Variants in USP34 observed in about 807,000 individuals in gnomAD.
USP34 encodes ubiquitin specific peptidase 34.
USP34 carries 70 observed loss-of-function variants against 460.3 expected under a neutral mutation model. That is an observed-to-expected ratio of 0.15 (90% confidence interval 0.13 to 0.19). USP34 has a LOEUF of 0.19. Ranked by LOEUF, USP34 falls within the 10% of genes least tolerant of loss-of-function variation. The pLI is 1.00. For missense variants in USP34, 3,985 were observed against 4,236.2 expected, an observed-to-expected ratio of 0.94 and a Z score of 1.65; for synonymous variants, 1,647 against 1,405.3, an observed-to-expected ratio of 1.17 and a Z score of -3.85.
intron 47 of USP34, 65 bp from the exon 48 acceptor site, chr2:61,256,543 TG>T: frequency 7.8e-7 from 1 of 1,274,032 alleles, no homozygotes; most frequent in Non-Finnish European, 1.1e-6. Context: ...ATACAAAAGG[TG>T]GCAATTACAA....
intron 21 of USP34, 49 bp downstream of exon 21, chr2:61,325,326 T>C: frequency 7.9e-7 from 1 of 1,270,770 alleles, no homozygotes; most frequent in Admixed American, 2.6e-5. Flanking sequence ...AATTTAGTTC[T>C]TCCAATAGTC....
intron 8 of USP34, among the ~76,000 whole-genome samples, chr2:61,374,135 A>C (rs1692717751): frequency 6.6e-6 from 1 of 150,858 alleles, no homozygotes; most frequent in Admixed American, 6.6e-5. Flanking sequence ...CAGCCTGGGC[A>C]ATAGAGCGAG....
intron 1 of USP34, among the ~76,000 whole-genome samples, chr2:61,430,212 C>CATA (rs1491583813): frequency 8.5e-6 from 1 of 117,718 alleles, no homozygotes; most frequent in African/African-American, 3.3e-5. Context: ...GAGTCTTCGT[C>CATA]ACAAAAAAAA....
chr2:61,296,675 A>C, intron 30 of USP34, 125 bp downstream of exon 30: 1 of 972,436 alleles, frequency 1.0e-6, no homozygotes, highest in Non-Finnish European at 1.4e-6. Context: ...CTTTTTACCT[A>C]CTATATGGGT....
chr2:61,300,168 T>C (rs1690176458), intron 29 of USP34, among the ~76,000 whole-genome samples: 1 of 152,192 alleles, frequency 6.6e-6, no homozygotes, highest in East Asian at 1.9e-4. Context: ...TCAGAACATG[T>C]GTTTATCCTC....
intron 23 of USP34, among the ~76,000 whole-genome samples, chr2:61,315,937 C>T (rs977768142): frequency 5.3e-5 from 8 of 151,814 alleles, no homozygotes; most frequent in Non-Finnish European, 1.2e-4. Context: ...GAGTGGCTCA[C>T]GCCTCTAATT....
intron 15 of USP34, among the ~76,000 whole-genome samples, chr2:61,344,477 A>G (rs1225658338): frequency 6.6e-6 from 1 of 151,344 alleles, no homozygotes; most frequent in African/African-American, 2.4e-5. Flanking sequence ...CAAATTAAGT[A>G]TTCATTTCTA....
Position 61,375,194 on chromosome 2 carries a change from T to G in USP34, c.1076+3169A>C, listed in dbSNP as rs796118039. ...AGGGAAATGCAAATTAAAACCATGATGAAATGCTACTTTACACCCCCTAAA... is the reference window on the plus strand; with the variant it reads ...AGGGAAATGCAAATTAAAACCATGAGGAAATGCTACTTTACACCCCCTAAA... On this transcript the variant is annotated intron_variant, in intron 8 of 79. Transcript: ENST00000398571. Among the ~76,000 whole-genome samples, 4 of 152,126 alleles carry G rather than the reference T, an allele frequency of 2.6e-5. No homozygotes were observed. In the South Asian group the frequency reaches 6.2e-4, roughly 24 times the overall value.
At chr2:61,441,255 G>A (rs955782360) in intron 1 of USP34, among the ~76,000 whole-genome samples, 7 of 150,738 alleles carry the variant, frequency 4.6e-5, no homozygotes, top group Non-Finnish European at 7.4e-5. Context: ...CTCCTGCCTC[G>A]GCCTCCCAAA....
At chr2:61,191,443 C>T (rs190515612) in intron 76 of USP34, 1 of 151,988 alleles carries the variant, frequency 6.6e-6, no homozygotes, top group Admixed American at 6.5e-5. Flanking sequence ...ATGCAGCTGT[C>T]ATAAGTAAAT....
intron 41 of USP34, among the ~76,000 whole-genome samples, chr2:61,270,257 G>A (rs534010155): frequency 6.6e-6 from 1 of 152,240 alleles, no homozygotes; most frequent in Non-Finnish European, 1.5e-5. Flanking sequence ...ATCATCTAAG[G>A]GCTTCATGAG....
chr2:61,238,293 A>G (rs1175992618), intron 53 of USP34, among the ~76,000 whole-genome samples: 1 of 152,126 alleles, frequency 6.6e-6, no homozygotes, highest in Non-Finnish European at 1.5e-5. Flanking sequence ...TTGGCTTCCA[A>G]AACATGCCAA....
intron 78 of USP34, chr2:61,189,329 G>C: frequency 6.4e-6 from 2 of 312,684 alleles, no homozygotes; most frequent in Non-Finnish European, 1.2e-5. Context: ...CTGGAGTGCA[G>C]TGGTGTAATC....
chr2:61,288,790 C>A lies in USP34; in HGVS notation c.4636G>T (p.Val1546Phe), dbSNP rs142246239. 1.9e-6 allele frequency: 3 copies of A among 1,613,998 alleles called. No homozygotes were observed. Among genetic ancestry groups the A allele is most frequent in the Non-Finnish European group, 2.5e-6 (3 of 1,179,962 alleles). Reference protein sequence around the residue: ...PSDLDLAYHDVFAWSGIAESH... With the variant: ...PSDLDLAYHDFFAWSGIAESH... ...TCCGCTATACCAGACCAGGCAAAGACATCATGATAAGCTAAATCCAAATCG... is the reference window on the plus strand; with the variant it reads ...TCCGCTATACCAGACCAGGCAAAGAAATCATGATAAGCTAAATCCAAATCG... The change falls in exon 34 of 80, where the codon GTC (valine) becomes TTC (phenylalanine). Residue 1546 changes from valine (V) to phenylalanine (F), a missense_variant. Transcript: ENST00000398571.
At chr2:61,353,481 T>C (rs1692012872) in intron 10 of USP34, among the ~76,000 whole-genome samples, 1 of 150,312 alleles carries the variant, frequency 6.7e-6, no homozygotes, top group Non-Finnish European at 1.5e-5. Flanking sequence ...CACGTGTGCC[T>C]CCCAGGTTCA....
intron 25 of USP34, among the ~76,000 whole-genome samples, chr2:61,313,339 T>C (rs950764957): frequency 1.3e-5 from 2 of 152,022 alleles, no homozygotes; most frequent in East Asian, 3.9e-4. Context: ...AAAAAACAAA[T>C]ACATTTTTAA....
intron 75 of USP34, chr2:61,194,210 C>T: frequency 1.4e-5 from 14 of 985,328 alleles, no homozygotes; most frequent in Non-Finnish European, 1.6e-5. Flanking sequence ...ATTTATTTTC[C>T]TGTCAAGATG....
At chr2:61,310,035 C>T (rs1690539457) in intron 27 of USP34, among the ~76,000 whole-genome samples, 1 of 151,930 alleles carries the variant, frequency 6.6e-6, no homozygotes, top group African/African-American at 2.4e-5. Context: ...CTATAAAGAA[C>T]ACTAAAAAAA....
At chr2:61,265,370 T>A (rs1689018013) in intron 43 of USP34, 27 bp downstream of exon 43, 1 of 1,583,452 alleles carries the variant, frequency 6.3e-7, no homozygotes, top group African/African-American at 1.4e-5. Flanking sequence ...TTTATAATTT[T>A]GATTTTTAAA....
Sources: gnomAD v4.1 joint callset for allele counts (sites outside exome capture counted in the v4.1 genomes callset) on GRCh38, gnomAD v4.1.1 for gene constraint, MANE v1.5 for transcripts, NCBI Gene and HGNC (gene_info 2026-07-23, HGNC 2026-07-21) for gene names.